Variants in ATRNL1 observed in about 807,000 individuals in gnomAD.
ATRNL1 encodes attractin like 1.
ATRNL1 carries 95 observed loss-of-function variants against 182.7 expected under a neutral mutation model. The observed-to-expected ratio is 0.52, with a 90% CI of 0.44 to 0.62. The LOEUF is 0.62. ATRNL1 is among the 20% of genes least tolerant of loss of function. The pLI, the probability that ATRNL1 is intolerant of heterozygous loss-of-function variation, is 0.00. For synonymous variants in ATRNL1, 576 were observed against 568.3 expected, an observed-to-expected ratio of 1.01 and a Z score of -0.19; for missense variants, 1,471 against 1,679.5, an observed-to-expected ratio of 0.88 and a Z score of 2.17.
In ATRNL1 at chr10:115,270,532, G is replaced by A. The variant is rs563860285; in HGVS notation, c.2100+2088G>A. On this transcript the variant is annotated intron_variant, in intron 13 of 28. Transcript: ENST00000355044. ...AGGATGAAAAGTCCCAGGATCTGCCGTCTGCAAACTGAAGACCCAGGAAAG... is the reference window on the plus strand; with the variant it reads ...AGGATGAAAAGTCCCAGGATCTGCCATCTGCAAACTGAAGACCCAGGAAAG... Among the ~76,000 whole-genome samples, 9 of 151,272 alleles carry A rather than the reference G, an allele frequency of 5.9e-5. 1 individual carries two copies. The highest frequency in any genetic ancestry group is 4.2e-4 in the South Asian group (2 of 4,792).
At chr10:115,849,925 G>A (rs1378638864) in intron 28 of ATRNL1, among the ~76,000 whole-genome samples, 4 of 152,106 alleles carry the variant, frequency 2.6e-5, no homozygotes, top group Non-Finnish European at 4.4e-5. Flanking sequence ...ATGTCTACAG[G>A]GTTGATAGAG....
At chr10:115,924,308 C>T (rs1385686156) in intron 28 of ATRNL1, among the ~76,000 whole-genome samples, 1 of 151,998 alleles carries the variant, frequency 6.6e-6, no homozygotes, top group African/African-American at 2.4e-5. Context: ...ACATTTCTGT[C>T]ATGAAGTTTT....
At chr10:115,394,619 G>A (rs782569219) in intron 19 of ATRNL1, 40 bp from the exon 20 acceptor site, 2 of 1,390,420 alleles carry the variant, frequency 1.4e-6, no homozygotes, top group African/African-American at 1.4e-5. Flanking sequence ...GCATGTTTGT[G>A]ATGTAGAATA....
chr10:115,868,328 C>T (rs1209006325), intron 28 of ATRNL1, among the ~76,000 whole-genome samples: 1 of 152,106 alleles, frequency 6.6e-6, no homozygotes, highest in Non-Finnish European at 1.5e-5. Flanking sequence ...TCAGTACTCA[C>T]TTCTGTATTA....
At chr10:115,545,441 A>T (rs1554993422) in intron 25 of ATRNL1, among the ~76,000 whole-genome samples, 1 of 152,096 alleles carries the variant, frequency 6.6e-6, no homozygotes, top group Admixed American at 6.6e-5. Context: ...TTTACTGCTA[A>T]CCTAATAGGA....
intron 17 of ATRNL1, among the ~76,000 whole-genome samples, chr10:115,303,063 T>C (rs1853555892): frequency 6.6e-6 from 1 of 152,104 alleles, no homozygotes; most frequent in African/African-American, 2.4e-5. Context: ...GTTGGTTGCA[T>C]TCATTCATAT....
chr10:115,730,327 A>G (rs1046274826), intron 27 of ATRNL1, among the ~76,000 whole-genome samples: 25 of 151,386 alleles, frequency 1.7e-4, no homozygotes, highest in African/African-American at 5.6e-4. Context: ...TTGAGAACCT[A>G]AATGCCTACC....
At chr10:115,629,662 C>T (rs1449782562) in intron 26 of ATRNL1, among the ~76,000 whole-genome samples, 2 of 152,128 alleles carry the variant, frequency 1.3e-5, no homozygotes, top group African/African-American at 4.8e-5. Flanking sequence ...GAACTGTCTT[C>T]TGATGGCATC....
At chr10:115,216,680 A>G (rs1374774100) in intron 9 of ATRNL1, among the ~76,000 whole-genome samples, 1 of 151,874 alleles carries the variant, frequency 6.6e-6, no homozygotes, top group African/African-American at 2.4e-5. Flanking sequence ...AATCTGGGAA[A>G]TGACTTTTTT....
At chr10:115,268,853 T>C (rs1400878680) in intron 13 of ATRNL1, among the ~76,000 whole-genome samples, 9 of 152,222 alleles carry the variant, frequency 5.9e-5, no homozygotes, top group African/African-American at 1.9e-4. Flanking sequence ...TCACACTTTG[T>C]GTGTAAGTTT....
intron 8 of ATRNL1, among the ~76,000 whole-genome samples, chr10:115,189,258 T>A (rs1422544671): frequency 1.3e-5 from 2 of 151,448 alleles, no homozygotes; most frequent in East Asian, 3.9e-4. Context: ...TACATAATAT[T>A]TGATGCTGAT....
rs574535567 is a variant in ATRNL1, at chr10:115,833,823, T to A, written c.3904-14054T>A. On this transcript the variant is annotated intron_variant, in intron 27 of 28. Transcript: ENST00000355044. ...AATACAAACTGCCTAGTTAATTTAA[T>A]CCTGTGTTCTAATTCTTTTGAATTC... Among the ~76,000 whole-genome samples the A allele has an allele frequency of 2.0e-5, 3 of 152,320 alleles. No homozygotes were observed. The South Asian group carries it at 6.2e-4, about 32-fold the overall frequency.
At chr10:115,497,052 C>T (rs1849583135) in intron 24 of ATRNL1, among the ~76,000 whole-genome samples, 1 of 152,064 alleles carries the variant, frequency 6.6e-6, no homozygotes, top group Non-Finnish European at 1.5e-5. Context: ...AGGATTTGTT[C>T]ATTTTTTTAA....
At chr10:115,800,865 G>A (rs142769220) in intron 27 of ATRNL1, among the ~76,000 whole-genome samples, 6 of 152,070 alleles carry the variant, frequency 3.9e-5, no homozygotes, top group African/African-American at 1.2e-4. Flanking sequence ...CCCAGCCTCC[G>A]GAACTACAAG....
intron 28 of ATRNL1, among the ~76,000 whole-genome samples, chr10:115,856,651 A>G (rs1555102186): frequency 6.6e-6 from 1 of 151,898 alleles, no homozygotes; most frequent in Admixed American, 6.6e-5. Flanking sequence ...ATCAGGCATT[A>G]GTTACATTCT....
At chr10:115,348,176 T>C (rs1427196602) in intron 19 of ATRNL1, among the ~76,000 whole-genome samples, 1 of 152,144 alleles carries the variant, frequency 6.6e-6, no homozygotes, top group Admixed American at 6.6e-5. Flanking sequence ...GTTTCACATG[T>C]TGGCCAGGCT....
intron 27 of ATRNL1, among the ~76,000 whole-genome samples, chr10:115,811,408 A>T (rs1950043749): frequency 6.6e-6 from 1 of 151,918 alleles, no homozygotes; most frequent in Admixed American, 6.6e-5. Flanking sequence ...ATGGTGAAGG[A>T]TTCATTTAGA....
intron 25 of ATRNL1, among the ~76,000 whole-genome samples, chr10:115,543,720 T>C (rs1264722116): frequency 6.6e-6 from 1 of 152,180 alleles, no homozygotes; most frequent in Non-Finnish European, 1.5e-5. Flanking sequence ...TGAATTCTTT[T>C]AATTTTCCCT....
chr10:115,327,448 G>T (rs1233004377), intron 18 of ATRNL1, among the ~76,000 whole-genome samples: 5 of 152,022 alleles, frequency 3.3e-5, no homozygotes, highest in Non-Finnish European at 7.4e-5. Context: ...AGGTGCTGGA[G>T]AGGATGTGGA....
Sources: allele counts gnomAD v4.1 joint callset (sites outside exome capture counted in the v4.1 genomes callset), GRCh38; gene constraint gnomAD v4.1.1; transcripts MANE v1.5; gene names NCBI Gene and HGNC (gene_info 2026-07-23, HGNC 2026-07-21).